The following CTDSPL variants were observed in gnomAD, a reference collection of about 807,000 sequenced individuals.
CTDSPL encodes CTD small phosphatase like, also known as CTD small phosphatase-like protein.
In CTDSPL, 8 loss-of-function variants were observed where a neutral mutation model predicts 30.5. The observed-to-expected ratio is 0.26, with a 90% CI of 0.15 to 0.47. The LOEUF (loss-of-function observed/expected upper bound fraction) is 0.47, where lower values mean the gene tolerates loss of function less well. Ranked by LOEUF, CTDSPL falls within the 20% of genes least tolerant of loss-of-function variation. The pLI is 0.99. For synonymous variants in CTDSPL, 110 were observed against 137.9 expected, an observed-to-expected ratio of 0.80 and a Z score of 1.42; for missense variants, 248 against 366.1, an observed-to-expected ratio of 0.68 and a Z score of 2.63.
intron 7 of CTDSPL, among the ~76,000 whole-genome samples, chr3:37,979,488 G>C (rs1699465652): frequency 6.6e-6 from 1 of 152,138 alleles, no homozygotes; most frequent in African/African-American, 2.4e-5. Context: ...TGTAATCCCA[G>C]CTACTCAGGA....
At chr3:37,980,221 CTT>C (rs1365235059) in intron 7 of CTDSPL, among the ~76,000 whole-genome samples, 6 of 152,280 alleles carry the variant, frequency 3.9e-5, no homozygotes, top group African/African-American at 1.4e-4. Flanking sequence ...CAATTTTAGA[CTT>C]TTACTTTTAA....
At position 37,981,695 on chromosome 3, in the gene CTDSPL, T is replaced by C; in HGVS notation, c.*828T>C. On this transcript the variant is annotated 3_prime_UTR_variant, in exon 8 of 8. Transcript: ENST00000273179. ...AAAAGTGACATCCTGTCACTTCTGC[T>C]CTCACACTACTGCCATACATTTGTG... 2.7e-6 allele frequency: 1 copy of C among 368,300 alleles called. No homozygotes were observed. Among genetic ancestry groups the C allele is most frequent in the Non-Finnish European group, 5.5e-6 (1 of 182,640 alleles). The allele number at this position is 368,300 out of a possible 1,614,324, so 22.8% of individuals were successfully genotyped here.
At chr3:37,936,128 T>A (rs1698912539) in intron 1 of CTDSPL, among the ~76,000 whole-genome samples, 1 of 152,168 alleles carries the variant, frequency 6.6e-6, no homozygotes. Flanking sequence ...CTCCTGACCA[T>A]TGTTAAGCCA....
chr3:37,964,722 T>C (rs1699281404), intron 4 of CTDSPL, 50 bp downstream of exon 4: 1 of 1,404,746 alleles, frequency 7.1e-7, no homozygotes, highest in African/African-American at 1.4e-5. Flanking sequence ...TTGATAACAA[T>C]TGTATTGGAA....
intron 1 of CTDSPL, among the ~76,000 whole-genome samples, chr3:37,877,781 T>A (rs1698155261): frequency 6.6e-6 from 1 of 152,062 alleles, no homozygotes; most frequent in South Asian, 2.1e-4. Context: ...AAGCTTATAG[T>A]CGTGGCAGAA....
chr3:37,977,249 A>G (rs1380548173), intron 7 of CTDSPL, among the ~76,000 whole-genome samples: 1 of 152,196 alleles, frequency 6.6e-6, no homozygotes, highest in Admixed American at 6.5e-5. Flanking sequence ...TACATTGTCT[A>G]ATATCCAGAC....
chr3:37,929,031 G>A (rs1352251378), intron 1 of CTDSPL, among the ~76,000 whole-genome samples: 1 of 152,204 alleles, frequency 6.6e-6, no homozygotes, highest in Non-Finnish European at 1.5e-5. Flanking sequence ...GTCTTGAAAA[G>A]ACTATCCTTT....
chr3:37,971,603 A>T, intron 6 of CTDSPL, 104 bp downstream of exon 6: 1 of 1,023,358 alleles, frequency 9.8e-7, no homozygotes, highest in South Asian at 1.4e-5. Flanking sequence ...GGGGGAAGCC[A>T]TTTCTATGGT....
chr3:37,879,625 A>C (rs1698179062), intron 1 of CTDSPL, among the ~76,000 whole-genome samples: 1 of 152,110 alleles, frequency 6.6e-6, no homozygotes, highest in African/African-American at 2.4e-5. Flanking sequence ...CATGTACCTG[A>C]TAGGTGCTTA....
Position 37,980,999 on chromosome 3 carries a change from T to C in CTDSPL, c.*132T>C. On this transcript the variant is annotated 3_prime_UTR_variant, in exon 8 of 8. Transcript: ENST00000273179. ...CCAGGCCACAGGGTGAATGTGGCCA[T>C]GCCTACCTGTTTTGTTTTTTTAAGA... is the stretch of plus-strand genomic sequence containing the variant. 9.6e-7 allele frequency: 1 copy of C among 1,040,044 alleles called. No individual in the cohort carries two copies. The highest frequency in any genetic ancestry group is 1.3e-6 in the Non-Finnish European group (1 of 768,286). The allele number at this position is 1,040,044 out of a possible 1,614,324, so 64.4% of individuals were successfully genotyped here. A position where few individuals can be genotyped will look rare whatever the true frequency, so the allele number is the denominator to read the frequency against.
At chr3:37,965,350 A>G (rs1009709943) in intron 4 of CTDSPL, among the ~76,000 whole-genome samples, 1 of 152,172 alleles carries the variant, frequency 6.6e-6, no homozygotes, top group Non-Finnish European at 1.5e-5. Flanking sequence ...AACGGCCTCC[A>G]TGCAGGAAGA....
intron 1 of CTDSPL, among the ~76,000 whole-genome samples, chr3:37,936,620 C>T (rs1698918529): frequency 6.7e-6 from 1 of 148,200 alleles, no homozygotes; most frequent in Non-Finnish European, 1.5e-5. Flanking sequence ...ATTTAAATGT[C>T]CCTGGCCTTC....
At chr3:37,940,662 G>C (rs775856324) in intron 1 of CTDSPL, among the ~76,000 whole-genome samples, 2 of 150,484 alleles carry the variant, frequency 1.3e-5, no homozygotes, top group African/African-American at 2.4e-5. Flanking sequence ...CTTTGGTCCA[G>C]GGTGGGTCAC....
intron 6 of CTDSPL, among the ~76,000 whole-genome samples, chr3:37,971,997 A>C (rs1031011652): frequency 6.6e-5 from 10 of 152,206 alleles, no homozygotes; most frequent in African/African-American, 2.4e-4. Flanking sequence ...TTCACTTCTC[A>C]TGTCAGTTTC....
At chr3:37,962,928 T>C (rs922253198) in intron 3 of CTDSPL, among the ~76,000 whole-genome samples, 1 of 152,252 alleles carries the variant, frequency 6.6e-6, no homozygotes, top group African/African-American at 2.4e-5. Context: ...ATGACCCACA[T>C]TCTCTCTACT....
intron 1 of CTDSPL, among the ~76,000 whole-genome samples, chr3:37,865,307 G>C (rs1697996838): frequency 6.6e-6 from 1 of 152,238 alleles, no homozygotes; most frequent in South Asian, 2.1e-4. Flanking sequence ...AAGTGGACAA[G>C]AGTTAGGAAC....
chr3:37,947,813 A>G (rs1229365408), intron 2 of CTDSPL, among the ~76,000 whole-genome samples: 1 of 152,274 alleles, frequency 6.6e-6, no homozygotes, highest in Non-Finnish European at 1.5e-5. Context: ...AAACAGACAT[A>G]GAGAAGAGCT....
chr3:37,882,871 A>T (rs777469473), intron 1 of CTDSPL, among the ~76,000 whole-genome samples: 1 of 152,160 alleles, frequency 6.6e-6, no homozygotes, highest in Non-Finnish European at 1.5e-5. Flanking sequence ...CACTGGAGCC[A>T]CGTCAGACCC....
intron 1 of CTDSPL, among the ~76,000 whole-genome samples, chr3:37,922,088 C>T (rs868642953): frequency 1.3e-5 from 2 of 151,582 alleles, no homozygotes; most frequent in African/African-American, 4.9e-5. Flanking sequence ...AAAAAGTAGC[C>T]AGGCATGGTA....
Sources: gnomAD v4.1 joint callset for allele counts (sites outside exome capture counted in the v4.1 genomes callset) on GRCh38, gnomAD v4.1.1 for gene constraint, MANE v1.5 for transcripts, NCBI Gene and HGNC (gene_info 2026-07-23, HGNC 2026-07-21) for gene names.